Variants in PPIP5K2 observed in about 807,000 individuals in gnomAD.
PPIP5K2 encodes diphosphoinositol pentakisphosphate kinase 2, also known as inositol hexakisphosphate and diphosphoinositol-pentakisphosphate kinase 2.
A neutral mutation model predicts 154.6 loss-of-function variants in PPIP5K2; 105 were observed. The ratio of observed to expected loss-of-function variants is 0.68; its 90% CI spans 0.58 to 0.80. The LOEUF is 0.80. PPIP5K2 is among the 30% of genes least tolerant of loss of function. PPIP5K2 has a pLI of 0.00. For synonymous variants in PPIP5K2, 480 were observed against 490.3 expected, an observed-to-expected ratio of 0.98 and a Z score of 0.28; for missense variants, 992 against 1,504.6, an observed-to-expected ratio of 0.66 and a Z score of 5.64.
chr5:103,154,571 C>A, intron 11 of PPIP5K2, 99 bp from the exon 12 acceptor site: 1 of 706,058 alleles, frequency 1.4e-6, no homozygotes, highest in East Asian at 2.9e-5. Context: ...ATCCCAAGTT[C>A]TAGTCCCATA....
chr5:103,192,383 C>T (rs531342418), intron 29 of PPIP5K2, among the ~76,000 whole-genome samples: 16 of 152,160 alleles, frequency 1.1e-4, no homozygotes, highest in Non-Finnish European at 2.1e-4. Flanking sequence ...AATGCTGTTA[C>T]CTCAGAATGC....
intron 6 of PPIP5K2, 84 bp downstream of exon 6, chr5:103,146,765 G>T (rs370136135): frequency 3.5e-6 from 4 of 1,153,600 alleles, no homozygotes; most frequent in Middle Eastern, 2.2e-4. Flanking sequence ...TTTAATTACC[G>T]TTAAATATTG....
intron 1 of PPIP5K2, among the ~76,000 whole-genome samples, chr5:103,121,013 T>A (rs1554198816): frequency 6.6e-6 from 1 of 152,162 alleles, no homozygotes. Context: ...TGCAGCCTTC[T>A]GCGCCTTGAA....
intron 3 of PPIP5K2, among the ~76,000 whole-genome samples, chr5:103,134,682 T>C (rs1554203637): frequency 1.3e-5 from 2 of 152,156 alleles, no homozygotes. Context: ...AACTGGGTGT[T>C]ATAGCTAATG....
chr5:103,190,424 AT>A (rs1422937646), intron 28 of PPIP5K2, among the ~76,000 whole-genome samples: 7 of 151,988 alleles, frequency 4.6e-5, no homozygotes, highest in African/African-American at 1.7e-4. Flanking sequence ...TAATTATATA[AT>A]TTTTCAACAA....
intron 8 of PPIP5K2, among the ~76,000 whole-genome samples, chr5:103,149,781 C>A (rs1321320773): frequency 2.0e-5 from 3 of 151,730 alleles, no homozygotes; most frequent in Admixed American, 6.6e-5. Context: ...ACTGCAACCT[C>A]TGCCTCCCGG....
At position 103,152,675 on chromosome 5, in the gene PPIP5K2, A is replaced by G. The variant is rs781993979; in HGVS notation, c.1056A>G (p.Pro352=). The G allele has an allele frequency of 6.3e-7, 1 of 1,596,098 alleles. No individual in the cohort carries two copies. Among genetic ancestry groups the G allele is most frequent in the Admixed American group, 1.7e-5 (1 of 59,828 alleles). ...ATATTGTAATGCGAGAACTTGCTCC[A>G]CAATTTCATATTCCATGGTCAATAC... ...LGNIVMRELA[P]QFHIPWSIPL... is the part of the protein sequence containing the mutation. The change falls in exon 10 of 31, where the codon CCA becomes CCG. Residue 352 remains proline (P), a synonymous_variant. Transcript: ENST00000358359.
intron 30 of PPIP5K2, among the ~76,000 whole-genome samples, chr5:103,195,528 G>A (rs1408336810): frequency 1.3e-5 from 2 of 152,020 alleles, no homozygotes; most frequent in Non-Finnish European, 2.9e-5. Context: ...CTGACTATGT[G>A]ACTACCAAAA....
intron 28 of PPIP5K2, chr5:103,188,873 G>A (rs782260796): frequency 1.8e-5 from 5 of 274,220 alleles, no homozygotes; most frequent in Non-Finnish European, 3.4e-5. Context: ...TTTTAAAAAT[G>A]TGGGTTTTCC....
intron 24 of PPIP5K2, among the ~76,000 whole-genome samples, chr5:103,181,093 T>C (rs1343453490): frequency 2.6e-5 from 4 of 152,090 alleles, no homozygotes; most frequent in Non-Finnish European, 5.9e-5. Context: ...AAAGTAACAT[T>C]TAAAAGGAAA....
At chr5:103,187,812 C>T (rs954959667) in intron 28 of PPIP5K2, among the ~76,000 whole-genome samples, 8 of 151,964 alleles carry the variant, frequency 5.3e-5, no homozygotes, top group African/African-American at 1.5e-4. Flanking sequence ...TGTCAAATAG[C>T]CAAATAAGAT....
chr5:103,170,154 A>G (rs555444164), intron 19 of PPIP5K2, among the ~76,000 whole-genome samples: 41 of 151,742 alleles, frequency 2.7e-4, no homozygotes, highest in Admixed American at 1.7e-3. Context: ...TCCTCCTTAC[A>G]TGGTGTATGT....
chr5:103,166,900 G>T (rs1365061799), intron 17 of PPIP5K2, among the ~76,000 whole-genome samples: 13 of 151,892 alleles, frequency 8.6e-5, no homozygotes, highest in African/African-American at 2.7e-4. Flanking sequence ...AAGAGGAGGG[G>T]TTAGTCATGC....
At chr5:103,164,138 G>C (rs1194777091) in intron 17 of PPIP5K2, among the ~76,000 whole-genome samples, 2 of 151,782 alleles carry the variant, frequency 1.3e-5, no homozygotes, top group African/African-American at 4.8e-5. Flanking sequence ...TTATGTTTAT[G>C]TCAATATTAT....
Position 103,211,879 on chromosome 5 carries a change from T to C in PPIP5K2, c.*10245T>C, listed in dbSNP as rs966952699. On this transcript the variant is annotated 3_prime_UTR_variant, in exon 31 of 31. Coordinates refer to ENST00000358359, the MANE Select transcript of PPIP5K2 (RefSeq NM_001276277.3). ...GCTTTGTTACAAAAACTTGGAAATA[T>C]AGATAAAATATTTATTTTGGAAATA... is the stretch of plus-strand genomic sequence containing the variant. The C allele has an allele frequency of 2.0e-5, 3 of 152,126 alleles. No individual in the cohort carries two copies. The highest frequency in any genetic ancestry group is 4.4e-5 in the Non-Finnish European group (3 of 67,982). 9.4% of individuals were successfully genotyped at this position (152,126 alleles called of 1,614,324 possible).
chr5:103,138,547 G>A, intron 5 of PPIP5K2, 78 bp downstream of exon 5: 2 of 856,364 alleles, frequency 2.3e-6, no homozygotes, highest in Non-Finnish European at 3.7e-6. Context: ...ATAATTAACT[G>A]GAAGGAATTT....
At position 103,129,583 on chromosome 5, in the gene PPIP5K2, A is replaced by C; in HGVS notation, c.-7A>C. 1 of 1,569,736 alleles carries C rather than the reference A, an allele frequency of 6.4e-7. No individual in the cohort carries two copies. The highest frequency in any genetic ancestry group is 8.6e-7 in the Non-Finnish European group (1 of 1,165,912). The stretch of plus-strand genomic sequence containing the variant: ...TTTCAATTATATCTACATCAAATAA[A>C]ATAAAAATGAGTGAAGCCCCCAGAT... On this transcript the variant is annotated 5_prime_UTR_variant, in exon 2 of 31. Coordinates refer to ENST00000358359, the MANE Select transcript of PPIP5K2 (RefSeq NM_001276277.3).
At chr5:103,197,089 A>G (rs550558536) in intron 30 of PPIP5K2, among the ~76,000 whole-genome samples, 5 of 152,166 alleles carry the variant, frequency 3.3e-5, no homozygotes, top group Non-Finnish European at 5.9e-5. Flanking sequence ...TTTTGAAGAA[A>G]TTTGCATCTG....
chr5:103,171,114 G>T (rs1277272939), intron 19 of PPIP5K2, among the ~76,000 whole-genome samples: 2 of 151,412 alleles, frequency 1.3e-5, no homozygotes, highest in Non-Finnish European at 3.0e-5. Flanking sequence ...AGGCTTAAAT[G>T]ATGCATATGG....
Sources: allele counts gnomAD v4.1 joint callset (sites outside exome capture counted in the v4.1 genomes callset), GRCh38; gene constraint gnomAD v4.1.1; transcripts MANE v1.5; gene names NCBI Gene and HGNC (gene_info 2026-07-23, HGNC 2026-07-21).